CORO2B: variants seen among roughly 807,000 people sequenced by gnomAD.
The protein encoded by CORO2B is coronin-2B.
A neutral mutation model predicts 58.8 loss-of-function variants in CORO2B; 26 were observed. The observed-to-expected ratio is 0.44, with a 90% CI of 0.32 to 0.61. The LOEUF (loss-of-function observed/expected upper bound fraction) is 0.61, where lower values mean the gene tolerates loss of function less well. CORO2B is among the 20% of genes least tolerant of loss of function. The pLI is 0.04. For missense variants in CORO2B, 460 were observed against 645.1 expected (o/e 0.71, Z 3.11); for synonymous variants, 242 against 253.8 (o/e 0.95, Z 0.44).
chr15:68,655,454 C>G (rs552246792), intron 2 of CORO2B, among the ~76,000 whole-genome samples: 5 of 152,192 alleles, frequency 3.3e-5, no homozygotes, highest in African/African-American at 9.6e-5. Flanking sequence ...CAGAGGGGAC[C>G]CCAGGGATCA....
At chr15:68,616,548 C>A (rs944703499) in intron 1 of CORO2B, 2 of 985,462 alleles carry the variant, frequency 2.0e-6, no homozygotes, top group African/African-American at 1.7e-5. Flanking sequence ...AGATTCAAAC[C>A]GCCTGCTGGG....
chr15:68,685,699 A>G (rs111635262), intron 2 of CORO2B, among the ~76,000 whole-genome samples: 6,032 of 152,336 alleles, frequency 0.04, 254 homozygotes, highest in African/African-American at 0.1. Flanking sequence ...CGGGAAACCC[A>G]TTAAAAATAC....
At chr15:68,697,742 C>T (rs1001763834) in intron 3 of CORO2B, among the ~76,000 whole-genome samples, 2 of 152,180 alleles carry the variant, frequency 1.3e-5, no homozygotes, top group Non-Finnish European at 2.9e-5. Flanking sequence ...GGCACAGGTG[C>T]TGGAGCTGGG....
chr15:68,642,067 C>T (rs1901265071), intron 1 of CORO2B, among the ~76,000 whole-genome samples: 1 of 133,958 alleles, frequency 7.5e-6, no homozygotes, highest in Non-Finnish European at 1.5e-5. Context: ...GACAGAGTCT[C>T]ATTCTGTTGC....
At chr15:68,571,988 T>C in the CORO2B span, among the ~76,000 whole-genome samples, 2 of 152,144 alleles carry the variant, frequency 1.3e-5, no homozygotes, top group Admixed American at 6.5e-5. Context: ...AGGAGAGAAC[T>C]CCTGAGGGGG....
intron 1 of CORO2B, 70 bp downstream of exon 1, chr15:68,579,347 GC>G: frequency 1.6e-6 from 2 of 1,228,294 alleles, no homozygotes; most frequent in Non-Finnish European, 2.0e-6. Flanking sequence ...GCTGCGGGGG[GC>G]GCGGGGGTGT....
chr15:68,587,583 A>G (rs1046525816), intron 1 of CORO2B, among the ~76,000 whole-genome samples: 1 of 152,178 alleles, frequency 6.6e-6, no homozygotes, highest in Non-Finnish European at 1.5e-5. Flanking sequence ...TCAGCCTTTC[A>G]CCAGGTGCTA....
At chr15:68,653,769 C>T (rs1206609642) in intron 2 of CORO2B, among the ~76,000 whole-genome samples, 2 of 152,042 alleles carry the variant, frequency 1.3e-5, no homozygotes, top group Non-Finnish European at 2.9e-5. Flanking sequence ...TGTTTGCTTA[C>T]CCAAAGCCTT....
the CORO2B span, among the ~76,000 whole-genome samples, chr15:68,571,769 A>G: frequency 6.6e-6 from 1 of 152,242 alleles, no homozygotes; most frequent in Non-Finnish European, 1.5e-5. Flanking sequence ...GGAGTTTGAA[A>G]CATCTTTGAT....
At chr15:68,622,245 A>G (rs1253871313) in intron 1 of CORO2B, among the ~76,000 whole-genome samples, 2 of 152,196 alleles carry the variant, frequency 1.3e-5, no homozygotes, top group Non-Finnish European at 2.9e-5. Flanking sequence ...ACTGCATGTG[A>G]AAATGGAGTG....
intron 2 of CORO2B, among the ~76,000 whole-genome samples, chr15:68,665,089 G>C (rs1038487913): frequency 6.6e-6 from 1 of 152,006 alleles, no homozygotes; most frequent in African/African-American, 2.4e-5. Flanking sequence ...CTTTTTACTA[G>C]GCCTTTCACT....
chr15:68,660,283 CTGGCAT>C (rs1901970975), intron 2 of CORO2B, among the ~76,000 whole-genome samples: 1 of 152,210 alleles, frequency 6.6e-6, no homozygotes, highest in Admixed American at 6.5e-5. Context: ...TCCTCATTGT[CTGGCAT>C]TGCTTCAGAA....
intron 1 of CORO2B, among the ~76,000 whole-genome samples, chr15:68,597,215 T>C (rs1455898795): frequency 6.6e-6 from 1 of 152,192 alleles, no homozygotes; most frequent in East Asian, 1.9e-4. Context: ...GCCTGGCTGC[T>C]GGCACATCTT....
At chr15:68,616,708 A>G (rs1051957935) in intron 1 of CORO2B, 1 of 790,220 alleles carries the variant, frequency 1.3e-6, no homozygotes, top group Admixed American at 6.2e-5. Flanking sequence ...TAGCGTTATC[A>G]AGGGCCCCGA....
At chr15:68,536,954 G>A in the CORO2B span, among the ~76,000 whole-genome samples, 1 of 152,176 alleles carries the variant, frequency 6.6e-6, no homozygotes, top group Non-Finnish European at 1.5e-5. Context: ...CACGAATGGT[G>A]GTGTATCGAG....
In CORO2B at chr15:68,727,382, C is replaced by T. The variant is rs1049902799; in HGVS notation, c.*1408C>T. 1 of 152,342 alleles carries T rather than the reference C, an allele frequency of 6.6e-6. No homozygotes were observed. The highest frequency in any genetic ancestry group is 1.5e-5 in the Non-Finnish European group (1 of 68,038). 9.4% of individuals were successfully genotyped at this position (152,342 alleles called of 1,614,324 possible). ...CTTCTTTTTTCCTCCTTTCATTTCC[C>T]ACTACGCACAAAGAGTTTATAAACA... On this transcript the variant is annotated 3_prime_UTR_variant, in exon 12 of 12. Coordinates refer to ENST00000261861, the MANE Select transcript of CORO2B (RefSeq NM_006091.5).
intron 7 of CORO2B, 45 bp downstream of exon 7, chr15:68,714,708 C>G: frequency 6.8e-7 from 1 of 1,467,314 alleles, no homozygotes; most frequent in Non-Finnish European, 9.5e-7. Context: ...GTGGGAGAGC[C>G]CTACCCTCAA....
the CORO2B span, among the ~76,000 whole-genome samples, chr15:68,535,992 G>A: frequency 6.6e-6 from 1 of 152,166 alleles, no homozygotes; most frequent in East Asian, 1.9e-4. Context: ...AACCTTGTGT[G>A]CTTCTGGAAA....
intron 2 of CORO2B, among the ~76,000 whole-genome samples, chr15:68,671,397 AC>A (rs1204335355): frequency 1.3e-5 from 2 of 152,176 alleles, no homozygotes; most frequent in African/African-American, 2.4e-5. Flanking sequence ...CCAAAGCCTC[AC>A]CCACATGGCT....
Sources: gnomAD v4.1 joint callset for allele counts (sites outside exome capture counted in the v4.1 genomes callset) on GRCh38, gnomAD v4.1.1 for gene constraint, MANE v1.5 for transcripts, NCBI Gene and HGNC (gene_info 2026-07-23, HGNC 2026-07-21) for gene names.